TRIM44: variants seen among roughly 807,000 people sequenced by gnomAD.
The protein encoded by TRIM44 is tripartite motif-containing protein 44.
TRIM44 carries 13 observed loss-of-function variants against 37.4 expected under a neutral mutation model. The ratio of observed to expected loss-of-function variants is 0.35; its 90% confidence interval spans 0.23 to 0.55. TRIM44 has a LOEUF of 0.55. Ranked by LOEUF, TRIM44 falls within the 20% of genes least tolerant of loss-of-function variation. The probability of loss-of-function intolerance (pLI) is 0.89; values close to 1 mark genes in which losing one functional copy is unlikely to be tolerated. For synonymous variants in TRIM44, 175 were observed against 157.2 expected (o/e 1.11, Z -0.85); for missense variants, 426 against 437.2 (o/e 0.97, Z 0.23).
At chr11:35,683,910 A>G (rs1259627411) in intron 1 of TRIM44, among the ~76,000 whole-genome samples, 1 of 152,114 alleles carries the variant, frequency 6.6e-6, no homozygotes, top group Non-Finnish European at 1.5e-5. Flanking sequence ...AGGGAGACAG[A>G]TAGTAATAAA....
At position 35,812,840 on chromosome 11, in the gene TRIM44, ATCT is replaced by A. The variant is rs67066335; in HGVS notation, c.*6459_*6461del. ...AAGAAAGTCTAAGGGTAGCAGTCAAATCTTCTGGCCTGAAACTGTACTTTTGGA... is the reference window on the plus strand; with the variant it reads ...AAGAAAGTCTAAGGGTAGCAGTCAAATCTGGCCTGAAACTGTACTTTTGGA... On this transcript the variant is annotated 3_prime_UTR_variant, in exon 5 of 5. Transcript: ENST00000299413. 0.25 allele frequency: 37,909 copies of A among 152,064 alleles called. 5,784 individuals carry two copies. The highest frequency in any genetic ancestry group is 0.42 in the Middle Eastern group (123 of 290). The allele number at this position is 152,064 out of a possible 1,614,324, so 9.4% of individuals were successfully genotyped here.
chr11:35,721,153 G>A (rs941456319), intron 2 of TRIM44, among the ~76,000 whole-genome samples: 2 of 151,918 alleles, frequency 1.3e-5, no homozygotes, highest in Non-Finnish European at 1.5e-5. Context: ...ATCCACCCAC[G>A]TCAACCTCCC....
chr11:35,767,603 G>GTATA (rs148049374), intron 4 of TRIM44, among the ~76,000 whole-genome samples: 1 of 151,598 alleles, frequency 6.6e-6, no homozygotes, highest in African/African-American at 2.4e-5. Context: ...AAAAAAAGTT[G>GTATA]TATATATATA....
intron 1 of TRIM44, among the ~76,000 whole-genome samples, chr11:35,676,257 G>A (rs1000563649): frequency 1.3e-5 from 2 of 152,164 alleles, no homozygotes; most frequent in African/African-American, 2.4e-5. Flanking sequence ...GCAATGGGTT[G>A]CTCTTATTCT....
Position 35,662,836 on chromosome 11 carries a change from C to A in TRIM44, c.-276C>A, listed in dbSNP as rs1044028139. ...TGAGCGGGCGGCGCGACGCGGGGGC[C>A]GACGGGGGCGCCGGGTGGCCGCGCC... On this transcript the variant is annotated 5_prime_UTR_variant, in exon 1 of 5. Transcript: ENST00000299413. 106 of 328,972 alleles carry A rather than the reference C, an allele frequency of 3.2e-4. No homozygotes were observed. Among genetic ancestry groups the A allele is most frequent in the Non-Finnish European group, 4.5e-4 (88 of 193,852 alleles). 20.4% of individuals were successfully genotyped at this position (328,972 alleles called of 1,614,324 possible).
intron 1 of TRIM44, among the ~76,000 whole-genome samples, chr11:35,676,604 T>A (rs527424373): frequency 1.8e-4 from 27 of 152,352 alleles, no homozygotes; most frequent in Non-Finnish European, 2.8e-4. Flanking sequence ...GAAGTTTTTA[T>A]AGAAGCAGAG....
At position 35,768,746 on chromosome 11, in the gene TRIM44, C is replaced by T. The variant is rs11821746; in HGVS notation, c.1007+33301C>T. On this transcript the variant is annotated intron_variant, in intron 4 of 4. Coordinates refer to ENST00000299413, the MANE Select transcript of TRIM44 (RefSeq NM_017583.6). The stretch of plus-strand genomic sequence containing the variant: ...GATGTATGTAATAAAACTAATTAAA[C>T]ACTCAAAAATGCTTTTGGTTAGACA... Among the ~76,000 whole-genome samples the T allele has an allele frequency of 1.8e-3, 278 of 152,278 alleles. 2 individuals are homozygous for T. Among genetic ancestry groups the T allele is most frequent in the African/African-American group, 6.4e-3 (267 of 41,566 alleles).
At chr11:35,757,849 C>A (rs1409769061) in intron 4 of TRIM44, among the ~76,000 whole-genome samples, 1 of 152,208 alleles carries the variant, frequency 6.6e-6, no homozygotes, top group African/African-American at 2.4e-5. Flanking sequence ...TTTGATTGCA[C>A]TGTGGTCTCA....
At chr11:35,788,759 AT>A in intron 4 of TRIM44, among the ~76,000 whole-genome samples, 1 of 152,322 alleles carries the variant, frequency 6.6e-6, no homozygotes, top group African/African-American at 2.4e-5. Context: ...GAGGCATGTG[AT>A]TAGCCACCAG....
At chr11:35,713,053 G>A (rs141678233) in intron 2 of TRIM44, among the ~76,000 whole-genome samples, 1 of 152,320 alleles carries the variant, frequency 6.6e-6, no homozygotes, top group African/African-American at 2.4e-5. Context: ...AGATCTATAT[G>A]TAGATGCTTA....
At chr11:35,696,675 C>T (rs1278891833) in intron 2 of TRIM44, among the ~76,000 whole-genome samples, 2 of 151,382 alleles carry the variant, frequency 1.3e-5, no homozygotes, top group African/African-American at 4.8e-5. Flanking sequence ...GGTGAAACCC[C>T]ATCTCTACTA....
At chr11:35,700,548 T>C (rs1421085550) in intron 2 of TRIM44, among the ~76,000 whole-genome samples, 1 of 152,224 alleles carries the variant, frequency 6.6e-6, no homozygotes, top group Non-Finnish European at 1.5e-5. Flanking sequence ...TTACTTTTGG[T>C]GCATACATTT....
intron 4 of TRIM44, among the ~76,000 whole-genome samples, chr11:35,779,175 G>A (rs1853023133): frequency 6.6e-6 from 1 of 152,200 alleles, no homozygotes; most frequent in African/African-American, 2.4e-5. Context: ...CTGCCACCTT[G>A]CAATTCGATC....
At chr11:35,727,538 A>G (rs996371696) in intron 3 of TRIM44, among the ~76,000 whole-genome samples, 1 of 152,126 alleles carries the variant, frequency 6.6e-6, no homozygotes, top group African/African-American at 2.4e-5. Flanking sequence ...GAAAAGAATA[A>G]CTCTTCTTCT....
intron 4 of TRIM44, among the ~76,000 whole-genome samples, chr11:35,761,370 A>G (rs1390517629): frequency 6.9e-6 from 1 of 145,254 alleles, no homozygotes; most frequent in African/African-American, 2.6e-5. Context: ...CTATTGTAGC[A>G]GGTCTGTTGT....
At chr11:35,668,638 T>C (rs1296771968) in intron 1 of TRIM44, among the ~76,000 whole-genome samples, 1 of 152,252 alleles carries the variant, frequency 6.6e-6, no homozygotes, top group Non-Finnish European at 1.5e-5. Flanking sequence ...ATTGATTCAG[T>C]GTCTTAGCTA....
intron 1 of TRIM44, 44 bp downstream of exon 1, chr11:35,663,824 C>T (rs1388206326): frequency 6.4e-7 from 1 of 1,552,872 alleles, no homozygotes; most frequent in African/African-American, 1.4e-5. Flanking sequence ...GGTCAGGACA[C>T]CTGGGTTTCA....
At position 35,670,153 on chromosome 11, in the gene TRIM44, A is replaced by T. The variant is rs188431038; in HGVS notation, c.669+6373A>T. Among the ~76,000 whole-genome samples, 110 of 152,304 alleles carry T rather than the reference A, an allele frequency of 7.2e-4. 1 individual carries two copies. Among genetic ancestry groups the T allele is most frequent in the African/African-American group, 2.5e-3 (102 of 41,568 alleles). On this transcript the variant is annotated intron_variant, in intron 1 of 4. Transcript: ENST00000299413. ...TTAAATGTTTTACTCTGAGCATGCC[A>T]TAGGCTTTGCTTTCTGTTATCCCAT...
Position 35,817,456 on chromosome 11 carries a change from A to G in TRIM44, c.*11071A>G, listed in dbSNP as rs1174228416. 1 of 152,206 alleles carries G rather than the reference A, an allele frequency of 6.6e-6. No homozygotes were observed. The highest frequency in any genetic ancestry group is 2.4e-5 in the African/African-American group (1 of 41,458). 9.4% of individuals were successfully genotyped at this position (152,206 alleles called of 1,614,324 possible). On this transcript the variant is annotated 3_prime_UTR_variant, in exon 5 of 5. Transcript: ENST00000299413. ...TCCACCTCTAACACGGTAAGATCTT[A>G]GCAAAGTAAAAAGGACAGTGATAAC...
Sources: gnomAD v4.1 joint callset for allele counts (sites outside exome capture counted in the v4.1 genomes callset) on GRCh38, gnomAD v4.1.1 for gene constraint, MANE v1.5 for transcripts, NCBI Gene and HGNC (gene_info 2026-07-23, HGNC 2026-07-21) for gene names.